Variants in HS3ST2 observed in about 807,000 individuals in gnomAD.
HS3ST2 encodes heparan sulfate-glucosamine 3-sulfotransferase 2.
HS3ST2 carries 17 observed loss-of-function variants against 26.3 expected under a neutral mutation model. The ratio of observed to expected loss-of-function variants is 0.65; its 90% CI spans 0.44 to 0.97. The LOEUF is 0.97. HS3ST2 is among the 50% of genes least tolerant of loss of function. The pLI is 0.00. For missense variants in HS3ST2, 402 were observed against 501.2 expected (o/e 0.80, Z 1.89); for synonymous variants, 237 against 219.2 (o/e 1.08, Z -0.72).
intron 1 of HS3ST2, among the ~76,000 whole-genome samples, chr16:22,828,272 C>T (rs1465928144): frequency 6.6e-6 from 1 of 152,148 alleles, no homozygotes; most frequent in Non-Finnish European, 1.5e-5. Flanking sequence ...TAGGTAACCT[C>T]TTGAGATCTG....
At chr16:22,878,517 C>T (rs902672356) in intron 1 of HS3ST2, among the ~76,000 whole-genome samples, 62 of 152,106 alleles carry the variant, frequency 4.1e-4, no homozygotes, top group African/African-American at 1.5e-3. Flanking sequence ...GTCTGTGATG[C>T]AGGGTTAGTT....
intron 1 of HS3ST2, among the ~76,000 whole-genome samples, chr16:22,856,077 C>T (rs1166152762): frequency 6.6e-6 from 1 of 152,152 alleles, no homozygotes; most frequent in Non-Finnish European, 1.5e-5. Context: ...AAATAATAGA[C>T]ATACATTACA....
At chr16:22,841,045 A>G (rs1596610543) in intron 1 of HS3ST2, among the ~76,000 whole-genome samples, 1 of 135,990 alleles carries the variant, frequency 7.4e-6, no homozygotes, top group Non-Finnish European at 1.5e-5. Flanking sequence ...ATTCCCACCT[A>G]TGAGTGAGAG....
chr16:22,882,488 A>G (rs979198130), intron 1 of HS3ST2, among the ~76,000 whole-genome samples: 1 of 150,738 alleles, frequency 6.6e-6, no homozygotes, highest in African/African-American at 2.4e-5. Context: ...AATCCCAGCA[A>G]TTTGGGAGGC....
chr16:22,872,129 G>A (rs1901847326), intron 1 of HS3ST2, among the ~76,000 whole-genome samples: 1 of 152,192 alleles, frequency 6.6e-6, no homozygotes, highest in Non-Finnish European at 1.5e-5. Flanking sequence ...TTATAAATCT[G>A]CTCTCTACAC....
intron 1 of HS3ST2, among the ~76,000 whole-genome samples, chr16:22,863,029 C>T (rs1215675352): frequency 6.6e-6 from 1 of 152,186 alleles, no homozygotes; most frequent in Non-Finnish European, 1.5e-5. Context: ...ATTCCTCAGC[C>T]GACTACAGAC....
intron 1 of HS3ST2, among the ~76,000 whole-genome samples, chr16:22,841,464 A>T (rs1475645115): frequency 6.6e-6 from 1 of 152,184 alleles, no homozygotes; most frequent in African/African-American, 2.4e-5. Context: ...GCTACTTGGG[A>T]AATTGTCTCT....
intron 1 of HS3ST2, among the ~76,000 whole-genome samples, chr16:22,845,693 C>G (rs1242260419): frequency 6.6e-6 from 1 of 152,040 alleles, no homozygotes; most frequent in Non-Finnish European, 1.5e-5. Context: ...TACAAAAATC[C>G]ATGTTAGGTC....
chr16:22,904,829 G>A (rs1197679351), intron 1 of HS3ST2, among the ~76,000 whole-genome samples: 2 of 152,154 alleles, frequency 1.3e-5, no homozygotes, highest in Non-Finnish European at 2.9e-5. Flanking sequence ...TTAGTGGCCT[G>A]CTCCAGGTTC....
intron 1 of HS3ST2, among the ~76,000 whole-genome samples, chr16:22,861,045 T>A (rs937518311): frequency 2.0e-5 from 3 of 151,994 alleles, no homozygotes; most frequent in Non-Finnish European, 4.4e-5. Context: ...ATATAATTTT[T>A]AAAAATTTTT....
At chr16:22,887,926 T>C (rs1229413871) in intron 1 of HS3ST2, among the ~76,000 whole-genome samples, 1 of 152,054 alleles carries the variant, frequency 6.6e-6, no homozygotes, top group Non-Finnish European at 1.5e-5. Context: ...AAGCCAAAAT[T>C]CTGGAGACTT....
At chr16:22,862,276 T>A (rs954315894) in intron 1 of HS3ST2, among the ~76,000 whole-genome samples, 5 of 88,096 alleles carry the variant, frequency 5.7e-5, no homozygotes, top group African/African-American at 8.4e-5. Flanking sequence ...TCTCCTCAGC[T>A]TTTTTTTTTT....
At chr16:22,886,624 C>T (rs1251047686) in intron 1 of HS3ST2, among the ~76,000 whole-genome samples, 1 of 152,186 alleles carries the variant, frequency 6.6e-6, no homozygotes, top group Non-Finnish European at 1.5e-5. Context: ...TTTTCTACCA[C>T]CTAGAGAGTG....
At chr16:22,868,786 C>G (rs1901792881) in intron 1 of HS3ST2, among the ~76,000 whole-genome samples, 1 of 152,152 alleles carries the variant, frequency 6.6e-6, no homozygotes, top group East Asian at 1.9e-4. Context: ...TCCTTTGTGT[C>G]TCTTGCCAGA....
chr16:22,853,773 C>G (rs1901551380), intron 1 of HS3ST2, among the ~76,000 whole-genome samples: 1 of 152,104 alleles, frequency 6.6e-6, no homozygotes, highest in Admixed American at 6.6e-5. Flanking sequence ...TGGAAGACTG[C>G]CATGATCACA....
intron 1 of HS3ST2, among the ~76,000 whole-genome samples, chr16:22,849,361 A>G (rs936401951): frequency 2.6e-5 from 4 of 152,190 alleles, no homozygotes; most frequent in African/African-American, 9.7e-5. Flanking sequence ...CAAACCTCTT[A>G]CTAAAATGTC....
At chr16:22,901,845 T>G (rs1300457194) in intron 1 of HS3ST2, among the ~76,000 whole-genome samples, 1 of 152,158 alleles carries the variant, frequency 6.6e-6, no homozygotes, top group Non-Finnish European at 1.5e-5. Flanking sequence ...GAGGCTTTCT[T>G]CATCCTAAAT....
intron 1 of HS3ST2, among the ~76,000 whole-genome samples, chr16:22,874,628 G>GT (rs752738843): frequency 6.6e-6 from 1 of 152,204 alleles, no homozygotes; most frequent in Non-Finnish European, 1.5e-5. Flanking sequence ...ATTATTCACT[G>GT]TAAGTGTCAC....
intron 1 of HS3ST2, among the ~76,000 whole-genome samples, chr16:22,819,494 G>T (rs1356836449): frequency 6.6e-6 from 1 of 152,192 alleles, no homozygotes; most frequent in Non-Finnish European, 1.5e-5. Flanking sequence ...GCTGAGATAT[G>T]TCTGAAGTGT....
Sources: gnomAD v4.1 joint callset for allele counts (sites outside exome capture counted in the v4.1 genomes callset) on GRCh38, gnomAD v4.1.1 for gene constraint, MANE v1.5 for transcripts, NCBI Gene and HGNC (gene_info 2026-07-23, HGNC 2026-07-21) for gene names.